GABBR2: variants seen among roughly 807,000 people sequenced by gnomAD.
GABBR2 encodes the protein G-protein coupled receptor 51.
Under a neutral mutation model 105.6 loss-of-function variants are expected in GABBR2, and 23 were observed. The observed-to-expected ratio is 0.22, with a 90% CI of 0.16 to 0.31. GABBR2 has a LOEUF of 0.31. GABBR2 is among the 10% of genes least tolerant of loss of function. The pLI is 1.00. For synonymous variants in GABBR2, 478 were observed against 499.7 expected (o/e 0.96, Z 0.58); for missense variants, 734 against 1,245.5 (o/e 0.59, Z 6.18).
intron 3 of GABBR2, among the ~76,000 whole-genome samples, chr9:98,519,417 A>C (rs1202550373): frequency 6.6e-5 from 10 of 152,224 alleles, no homozygotes; most frequent in Admixed American, 6.5e-5. Flanking sequence ...GGAAGAGAAA[A>C]ATTAGAGAAG....
chr9:98,506,499 G>A (rs1827514713), intron 3 of GABBR2, among the ~76,000 whole-genome samples: 2 of 152,200 alleles, frequency 1.3e-5, no homozygotes, highest in Non-Finnish European at 2.9e-5. Flanking sequence ...CAGGGATGAG[G>A]CAACTTCGCA....
chr9:98,577,811 G>T, intron 2 of GABBR2, 124 bp downstream of exon 2: 1 of 895,088 alleles, frequency 1.1e-6, no homozygotes. Flanking sequence ...TATCACCCAG[G>T]AGAAAGTCCA....
intron 7 of GABBR2, among the ~76,000 whole-genome samples, chr9:98,429,680 G>T (rs1186757104): frequency 6.6e-6 from 1 of 152,210 alleles, no homozygotes; most frequent in African/African-American, 2.4e-5. Context: ...ACCAAAGCTT[G>T]TTGAGGACAA....
chr9:98,663,276 A>G (rs1023288413), intron 1 of GABBR2, among the ~76,000 whole-genome samples: 95 of 152,168 alleles, frequency 6.2e-4, no homozygotes, highest in African/African-American at 2.1e-3. Context: ...GGGGTGGAGC[A>G]GAGGGTACTG....
intron 4 of GABBR2, among the ~76,000 whole-genome samples, chr9:98,492,033 C>T (rs1588192576): frequency 6.6e-6 from 1 of 152,048 alleles, no homozygotes; most frequent in East Asian, 1.9e-4. Context: ...TCCACTGTCT[C>T]TGGGATTTAA....
rs773230436 is a variant in GABBR2 at position 98,371,616 on chromosome 9, A to G, written c.1663-45T>C. 32 of 1,051,296 alleles carry G rather than the reference A, an allele frequency of 3.0e-5. No individual in the cohort carries two copies. The Admixed American group carries it at 4.4e-4, about 15-fold the overall frequency. The allele number at this position is 1,051,296 out of a possible 1,614,324, so 65.1% of individuals were successfully genotyped here. ...AGAGGCATTGACCTTCCTTAGGTAG[A>G]CAGACTTCATCAGGTATGAGTCCAC... On this transcript the variant is annotated intron_variant, in intron 11 of 18. Coordinates refer to ENST00000259455, the MANE Select transcript of GABBR2 (RefSeq NM_005458.8).
chr9:98,672,777 A>G (rs1449357475), intron 1 of GABBR2, among the ~76,000 whole-genome samples: 1 of 152,260 alleles, frequency 6.6e-6, no homozygotes, highest in Non-Finnish European at 1.5e-5. Flanking sequence ...AAGTCTGTCC[A>G]AAGCTTTTAA....
At chr9:98,486,931 A>G (rs1827066529) in intron 4 of GABBR2, among the ~76,000 whole-genome samples, 1 of 150,650 alleles carries the variant, frequency 6.6e-6, no homozygotes, top group South Asian at 2.1e-4. Flanking sequence ...CTTAGACCCC[A>G]CCCCCCACTG....
chr9:98,517,292 T>C (rs1205799085), intron 3 of GABBR2, among the ~76,000 whole-genome samples: 1 of 152,158 alleles, frequency 6.6e-6, no homozygotes, highest in Non-Finnish European at 1.5e-5. Flanking sequence ...TGTGTCAGCT[T>C]CTTCCTTCAC....
intron 1 of GABBR2, among the ~76,000 whole-genome samples, chr9:98,678,396 C>T (rs1033706541): frequency 3.3e-5 from 5 of 152,294 alleles, no homozygotes; most frequent in Non-Finnish European, 5.9e-5. Context: ...ATATAGAATG[C>T]GCCCCAACGC....
intron 1 of GABBR2, among the ~76,000 whole-genome samples, chr9:98,618,270 G>C (rs759361437): frequency 6.6e-6 from 1 of 152,116 alleles, no homozygotes; most frequent in Non-Finnish European, 1.5e-5. Context: ...ACCACACTTG[G>C]CATAATTACT....
In GABBR2 at chr9:98,395,357, G is replaced by A. The variant is rs2077156341; in HGVS notation, c.1298-1102C>T. The stretch of plus-strand genomic sequence containing the variant: ...ATCTTGGATGTGCTGAGCCTGGGAT[G>A]CCTGTGGAGCATCAAGGCAGAGATG... On this transcript the variant is annotated intron_variant, in intron 8 of 18. Coordinates refer to ENST00000259455, the MANE Select transcript of GABBR2 (RefSeq NM_005458.8). 2.0e-5 allele frequency among the ~76,000 whole-genome samples: 3 copies of A among 152,142 alleles called. No individual in the cohort carries two copies. The South Asian group carries it at 6.2e-4, about 32-fold the overall frequency.
chr9:98,376,542 CGCCCCAAAGCAA>C (rs58631662), intron 11 of GABBR2, among the ~76,000 whole-genome samples: 3,496 of 152,096 alleles, frequency 0.023, 140 homozygotes, highest in African/African-American at 0.08. Context: ...ACTCCCAGAG[CGCCCCAAAGCAA>C]GCCCCAGAGC....
Position 98,481,086 on chromosome 9 carries a change from C to T in GABBR2, c.733-89G>A, listed in dbSNP as rs1048575896. 10 of 828,404 alleles carry T rather than the reference C, an allele frequency of 1.2e-5. No homozygotes were observed. In the African/African-American group the frequency reaches 1.7e-4, roughly 14 times the overall value. 51.3% of individuals were successfully genotyped at this position (828,404 alleles called of 1,614,324 possible). ...GCTGTGGCAGACAACATTCCTTCAC[C>T]TCTGGCTCTTAGCCCAGAGCTCTGC... On this transcript the variant is annotated intron_variant, in intron 4 of 18. Transcript: ENST00000259455.
rs1588091338 is a variant in GABBR2 at position 98,306,452 on chromosome 9, A to G, written c.2005-107T>C. On this transcript the variant is annotated intron_variant, in intron 14 of 18. Coordinates refer to ENST00000259455, the MANE Select transcript of GABBR2 (RefSeq NM_005458.8). The surrounding 1 kb of genome is among the most constrained non-coding windows in gnomAD (Gnocchi z 5.4). Reference sequence around the variant, plus strand: ...GAGGGTTACTCAGGAGGTGGGCTGCAGGGAGGGAGGGTCGGGGGCCTTGCT... The same window carrying G: ...GAGGGTTACTCAGGAGGTGGGCTGCGGGGAGGGAGGGTCGGGGGCCTTGCT... 7 of 444,022 alleles carry G rather than the reference A, an allele frequency of 1.6e-5. No homozygotes were observed. The East Asian group carries it at 1.8e-4, about 12-fold the overall frequency. 27.5% of individuals were successfully genotyped at this position (444,022 alleles called of 1,614,324 possible). A position where few individuals can be genotyped will look rare whatever the true frequency, so the allele number is the denominator to read the frequency against.
chr9:98,675,177 T>C (rs1588278584), intron 1 of GABBR2, among the ~76,000 whole-genome samples: 1 of 152,260 alleles, frequency 6.6e-6, no homozygotes, highest in East Asian at 1.9e-4. Context: ...AGATATGTTT[T>C]CACCTGCCAT....
chr9:98,671,218 C>T (rs1830403056), intron 1 of GABBR2, among the ~76,000 whole-genome samples: 1 of 152,058 alleles, frequency 6.6e-6, no homozygotes, highest in South Asian at 2.1e-4. Flanking sequence ...TATGTATTTG[C>T]CTATTCTGGA....
intron 13 of GABBR2, among the ~76,000 whole-genome samples, chr9:98,359,506 G>C (rs1831545282): frequency 6.6e-6 from 1 of 152,164 alleles, no homozygotes; most frequent in Admixed American, 6.5e-5. Context: ...GGACTGGGCT[G>C]CCCCCAGTAG....
intron 1 of GABBR2, among the ~76,000 whole-genome samples, chr9:98,595,503 C>T (rs909345293): frequency 4.6e-5 from 7 of 151,284 alleles, no homozygotes; most frequent in South Asian, 2.1e-4. Flanking sequence ...CCTGCAGGGG[C>T]GGGGTGCTTG....
Sources: gnomAD v4.1 joint callset for allele counts (sites outside exome capture counted in the v4.1 genomes callset) on GRCh38, gnomAD v4.1.1 for gene constraint, Gnocchi (gnomAD v3.1) non-coding constraint, MANE v1.5 for transcripts, NCBI Gene and HGNC (gene_info 2026-07-23, HGNC 2026-07-21) for gene names.